The following C13orf46 variants were observed in gnomAD, a reference collection of about 807,000 sequenced individuals.
The protein encoded by C13orf46 is chromosome 13 open reading frame 46, also known as uncharacterized protein C13orf46.
chr13:113,927,947 T>A, the C13orf46 span: 18 of 252,566 alleles, frequency 7.1e-5, no homozygotes, highest in African/African-American at 4.0e-4. Context: ...CGTTATGCAA[T>A]GCTCAGGCCA....
chr13:113,937,490 G>A, the C13orf46 span, among the ~76,000 whole-genome samples: 1 of 152,190 alleles, frequency 6.6e-6, no homozygotes, highest in Non-Finnish European at 1.5e-5. Flanking sequence ...AGCTGCAGGT[G>A]AGATGAACAT....
chr13:113,963,652 T>A lies in C13orf46; in HGVS notation c.572+1275A>T, dbSNP rs1166959744. 3.4e-5 allele frequency among the ~76,000 whole-genome samples: 3 copies of A among 88,320 alleles called. No homozygotes were observed. In the East Asian group the frequency reaches 1.4e-3, roughly 42 times the overall value. The allele number at this position is 88,320 out of a possible 152,430, so 57.9% of individuals were successfully genotyped here. A position where few individuals can be genotyped will look rare whatever the true frequency, so the allele number is the denominator to read the frequency against. The stretch of plus-strand genomic sequence containing the variant: ...AGCCCCCTCTCCTCAGCCTCGCCCG[T>A]CCTCAGCCTTGCCCCTGTCCTCAGC... On this transcript the variant is annotated intron_variant, in intron 6 of 6. Coordinates refer to ENST00000636427, the MANE Select transcript of C13orf46 (RefSeq NM_001365455.2).
At chr13:113,942,910 G>A in the C13orf46 span, among the ~76,000 whole-genome samples, 1 of 152,214 alleles carries the variant, frequency 6.6e-6, no homozygotes, top group Admixed American at 6.5e-5. Context: ...TGGGAGCCAG[G>A]TGGGAGCAGT....
the C13orf46 span, among the ~76,000 whole-genome samples, chr13:113,932,500 T>A: frequency 6.6e-6 from 1 of 152,260 alleles, no homozygotes; most frequent in African/African-American, 2.4e-5. Context: ...TCGTCTTGCG[T>A]GCTTCTGTCT....
the C13orf46 span, among the ~76,000 whole-genome samples, chr13:113,931,689 G>A: frequency 2.6e-5 from 4 of 152,270 alleles, no homozygotes; most frequent in African/African-American, 7.2e-5. Flanking sequence ...AGAAAATTAC[G>A]AGATAACATT....
the C13orf46 span, among the ~76,000 whole-genome samples, chr13:113,931,637 AG>A: frequency 6.6e-6 from 1 of 152,160 alleles, no homozygotes; most frequent in African/African-American, 2.4e-5. Context: ...ACCAAATGTT[AG>A]GGTTCACTCC....
At chr13:113,959,128 T>C (rs1011404605) in intron 6 of C13orf46, among the ~76,000 whole-genome samples, 2 of 152,024 alleles carry the variant, frequency 1.3e-5, no homozygotes, top group Non-Finnish European at 2.9e-5. Flanking sequence ...AATAAAAAAT[T>C]AGCTGGGCAT....
intron 6 of C13orf46, among the ~76,000 whole-genome samples, chr13:113,962,411 C>CA (rs1183539373): frequency 2.4e-4 from 37 of 152,056 alleles, no homozygotes; most frequent in Admixed American, 7.2e-4. Context: ...GTCTCAAAAA[C>CA]AAAAAAAGAG....
intron 6 of C13orf46, among the ~76,000 whole-genome samples, chr13:113,959,245 C>T (rs971724310): frequency 2.2e-4 from 34 of 152,124 alleles, no homozygotes; most frequent in African/African-American, 8.0e-4. Context: ...ACACTCCAGC[C>T]TGGGTGACAG....
At chr13:113,940,078 CT>C in the C13orf46 span, among the ~76,000 whole-genome samples, 1 of 152,248 alleles carries the variant, frequency 6.6e-6, no homozygotes, top group Non-Finnish European at 1.5e-5. Flanking sequence ...AAGAGGCTAC[CT>C]GCCTGCCTGG....
intron 5 of C13orf46, among the ~76,000 whole-genome samples, chr13:113,966,142 TGAC>T (rs2052643765): frequency 6.7e-6 from 1 of 149,906 alleles, no homozygotes; most frequent in South Asian, 2.1e-4. Flanking sequence ...ATGGTGATGA[TGAC>T]AATGGTGACG....
At chr13:113,972,921 C>T (rs2052724038) in intron 1 of C13orf46, among the ~76,000 whole-genome samples, 1 of 152,242 alleles carries the variant, frequency 6.6e-6, no homozygotes, top group Admixed American at 6.5e-5. Flanking sequence ...CCCCACAGCT[C>T]CGCCCCAGCA....
the C13orf46 span, among the ~76,000 whole-genome samples, chr13:113,936,227 G>A: frequency 2.0e-5 from 3 of 152,154 alleles, no homozygotes; most frequent in Admixed American, 6.5e-5. Flanking sequence ...CTCAAGGCCC[G>A]GATAGAGCCC....
At position 113,955,727 on chromosome 13, in the gene C13orf46, AGACGAGGAGTAGTG is replaced by A. The variant is rs2052523588; in HGVS notation, c.*1032_*1045del. The A allele has an allele frequency of 1.4e-5, 2 of 146,388 alleles. No homozygotes were observed. The highest frequency in any genetic ancestry group is 2.2e-4 in the East Asian group (1 of 4,628). The allele number at this position is 146,388 out of a possible 1,614,324, so 9.1% of individuals were successfully genotyped here. Reference sequence around the variant, plus strand: ...GGAGAGGAGGAGTAGTGTCTGGCAGAGACGAGGAGTAGTGTCTGGCAGAGAGGAGGAGCATCCGG... The same window carrying A: ...GGAGAGGAGGAGTAGTGTCTGGCAGATCTGGCAGAGAGGAGGAGCATCCGG... On this transcript the variant is annotated 3_prime_UTR_variant, in exon 7 of 7. Coordinates refer to ENST00000636427, the MANE Select transcript of C13orf46 (RefSeq NM_001365455.2).
chr13:113,939,387 G>A, the C13orf46 span, among the ~76,000 whole-genome samples: 1 of 150,112 alleles, frequency 6.7e-6, no homozygotes, highest in Non-Finnish European at 1.5e-5. Flanking sequence ...CGATGGGGAG[G>A]ACAGAGACCA....
chr13:113,966,526 GTGA>G (rs1199152761), intron 5 of C13orf46, among the ~76,000 whole-genome samples: 1 of 150,614 alleles, frequency 6.6e-6, no homozygotes, highest in South Asian at 2.1e-4. Flanking sequence ...GATGGTGAAG[GTGA>G]TGATGGTAAT....
At chr13:113,962,247 C>CA (rs1400455520) in intron 6 of C13orf46, among the ~76,000 whole-genome samples, 8 of 152,010 alleles carry the variant, frequency 5.3e-5, no homozygotes, top group African/African-American at 9.6e-5. Flanking sequence ...ACTAAAAATA[C>CA]AAAAAAAATC....
At chr13:113,964,204 A>T (rs2052615396) in intron 6 of C13orf46, among the ~76,000 whole-genome samples, 1 of 152,248 alleles carries the variant, frequency 6.6e-6, no homozygotes, top group Non-Finnish European at 1.5e-5. Flanking sequence ...AATCTGTAAG[A>T]AATCAAAATA....
chr13:113,964,663 G>A (rs2052619290), intron 6 of C13orf46, among the ~76,000 whole-genome samples: 1 of 152,154 alleles, frequency 6.6e-6, no homozygotes, highest in Non-Finnish European at 1.5e-5. Flanking sequence ...TGGCTGGTGG[G>A]TAGGAGACAC....
Sources: gnomAD v4.1 joint callset for allele counts (sites outside exome capture counted in the v4.1 genomes callset) on GRCh38, gnomAD v4.1.1 for gene constraint, MANE v1.5 for transcripts, NCBI Gene and HGNC (gene_info 2026-07-23, HGNC 2026-07-21) for gene names.